Variants in RP1L1 observed in about 807,000 individuals in gnomAD.
RP1L1 encodes RP1 like 1.
Under a neutral mutation model 15.7 loss-of-function variants are expected in RP1L1, and 27 were observed. The ratio of observed to expected loss-of-function variants is 1.72; its 90% CI spans 1.27 to 2.38. The LOEUF is 2.38. Ranked by LOEUF, RP1L1 falls within the 30% of genes most tolerant of loss-of-function variation. RP1L1 has a pLI of 0.00. For synonymous variants in RP1L1, 1,813 were observed against 1,276.7 expected, an observed-to-expected ratio of 1.42 and a Z score of -8.96; for missense variants, 4,798 against 3,075.9, an observed-to-expected ratio of 1.56 and a Z score of -13.24.
rs775218706 is a variant in RP1L1, at chr8:10,612,134, C to T, written c.1964G>A (p.Gly655Asp). ...ASAMSSPSSP[G>D]LGRVAPRGHP... ...GCCTCTCGGGGCCACTCGGCCAAGG[C>T]CAGGGCTGCTGGGTGAGGACATTGC... is the stretch of plus-strand genomic sequence containing the variant. Residue 655 changes from glycine to aspartate, a missense_variant, in exon 4 of 4, where the codon GGC (glycine) becomes GAC (aspartate). Transcript: ENST00000382483. 6.2e-7 allele frequency: 1 copy of T among 1,613,624 alleles called. No individual in the cohort carries two copies. The highest frequency in any genetic ancestry group is 1.1e-5 in the South Asian group (1 of 91,084).
chr8:10,609,384 T>C lies in RP1L1; in HGVS notation c.4714A>G (p.Thr1572Ala), dbSNP rs1306265391. Reference protein sequence around the residue: ...QDVAQRLQDSTKRELQKLQGR... With the variant: ...QDVAQRLQDSAKRELQKLQGR... ...TGGAGCTTCTGGAGCTCTCTCTTGG[T>C]GCTGTCCTGGAGGCGTTGGGCCACG... is the stretch of plus-strand genomic sequence containing the variant. Residue 1572 changes from threonine to alanine, a missense_variant, in exon 4 of 4, where the codon ACC becomes GCC. By Grantham distance (58) the Thr-to-Ala change is moderately conservative. Transcript: ENST00000382483. 1.9e-6 allele frequency: 3 copies of C among 1,612,542 alleles called. No homozygotes were observed.
intron 1 of RP1L1, among the ~76,000 whole-genome samples, chr8:10,624,788 C>A (rs1300401796): frequency 6.6e-6 from 1 of 152,202 alleles, no homozygotes; most frequent in Non-Finnish European, 1.5e-5. Flanking sequence ...GCCTGGAAAA[C>A]TGGGCTTTTC....
intron 1 of RP1L1, among the ~76,000 whole-genome samples, chr8:10,635,944 A>T (rs1322915086): frequency 6.6e-6 from 1 of 152,216 alleles, no homozygotes; most frequent in Non-Finnish European, 1.5e-5. Flanking sequence ...AACCATCCCC[A>T]TGGAAGAGAC....
intron 1 of RP1L1, among the ~76,000 whole-genome samples, chr8:10,625,478 C>T (rs1181956724): frequency 7.9e-6 from 1 of 127,374 alleles, no homozygotes; most frequent in Non-Finnish European, 1.6e-5. Context: ...ACTCTGTGCC[C>T]AGCTGGGGGT....
In RP1L1 at chr8:10,612,859, A is replaced by C. The variant is rs1797893482; in HGVS notation, c.1239T>G (p.His413Gln). 6.2e-7 allele frequency: 1 copy of C among 1,612,678 alleles called. No individual in the cohort carries two copies. The highest frequency in any genetic ancestry group is 1.3e-5 in the African/African-American group (1 of 74,866). ...CTGCCACTCTCTCTCCCTGGGAGGC[A>C]TGCAGGGGATTCGTCCAGATTTCAT... ...PKYEIWTNPL[H>Q]ASQGERVAAR... The change falls in exon 4 of 4, where the codon CAT (histidine) becomes CAG (glutamine). Residue 413 changes from histidine to glutamine, a missense_variant. By Grantham distance (24) the His-to-Gln change is conservative. Transcript: ENST00000382483.
At chr8:10,646,603 G>C (rs1254549191) in intron 1 of RP1L1, among the ~76,000 whole-genome samples, 1 of 152,042 alleles carries the variant, frequency 6.6e-6, no homozygotes, top group Non-Finnish European at 1.5e-5. Context: ...TGGACTCCCT[G>C]TCCCCTAGGA....
At chr8:10,631,653 C>T (rs752011374) in intron 1 of RP1L1, among the ~76,000 whole-genome samples, 1 of 152,244 alleles carries the variant, frequency 6.6e-6, no homozygotes, top group Non-Finnish European at 1.5e-5. Flanking sequence ...CCCCCTCCTC[C>T]ACTTCCGAGA....
Position 10,622,677 on chromosome 8 carries a change from A to C in RP1L1, c.525T>G (p.Thr175=). The part of the protein sequence containing the change: ...QQTVVLSHRN[T]RNLAAFLGKA... ...TGCCGAGAAAGGCGGCCAGGTTCCT[A>C]GTATTCCTGTGACTGAGAACCACTG... Residue 175 remains threonine (T), a synonymous_variant, in exon 2 of 4, where the codon ACT becomes ACG. Coordinates refer to ENST00000382483, the MANE Select transcript of RP1L1 (RefSeq NM_178857.6). 6 of 1,614,186 alleles carry C rather than the reference A, an allele frequency of 3.7e-6. No homozygotes were observed. The highest frequency in any genetic ancestry group is 5.1e-6 in the Non-Finnish European group (6 of 1,180,034).
At chr8:10,653,183 G>C (rs1311740718) in intron 1 of RP1L1, among the ~76,000 whole-genome samples, 2 of 152,198 alleles carry the variant, frequency 1.3e-5, no homozygotes, top group African/African-American at 4.8e-5. Flanking sequence ...TCACAGGAAA[G>C]TAACCAAGAT....
chr8:10,649,417 G>T (rs1381006157), intron 1 of RP1L1, among the ~76,000 whole-genome samples: 1 of 152,192 alleles, frequency 6.6e-6, no homozygotes, highest in Admixed American at 6.5e-5. Context: ...CAAGGGCTTT[G>T]CCTGAGAAAT....
In RP1L1 at chr8:10,606,922, G is replaced by A; in HGVS notation, c.7176C>T (p.Gly2392=). Residue 2392 remains glycine, a synonymous_variant, in exon 4 of 4, where the codon GGC becomes GGT. Coordinates refer to ENST00000382483, the MANE Select transcript of RP1L1 (RefSeq NM_178857.6). ...APTEAVGRAD[G]FGQDDLDF is the part of the protein sequence containing the mutation. ...AGAAATCTAAGTCATCTTGGCCAAAGCCGTCTGCCCTGCCCACTGCCTCAG... is the reference window on the plus strand; with the variant it reads ...AGAAATCTAAGTCATCTTGGCCAAAACCGTCTGCCCTGCCCACTGCCTCAG... 6.2e-7 allele frequency: 1 copy of A among 1,614,246 alleles called. No individual in the cohort carries two copies. The highest frequency in any genetic ancestry group is 8.5e-7 in the Non-Finnish European group (1 of 1,180,052).
intron 1 of RP1L1, among the ~76,000 whole-genome samples, chr8:10,644,465 G>C (rs1035406256): frequency 3.9e-5 from 6 of 152,184 alleles, no homozygotes; most frequent in African/African-American, 9.6e-5. Context: ...GGCCACATGG[G>C]TGTAAGTCCC....
intron 3 of RP1L1, among the ~76,000 whole-genome samples, chr8:10,613,600 CAAA>C (rs71203341): frequency 1.6e-5 from 1 of 62,358 alleles, no homozygotes; most frequent in East Asian, 4.6e-4. Context: ...ACCATCTCTC[CAAA>C]AAAAAAAAAA....
At chr8:10,639,214 A>G (rs901773532) in intron 1 of RP1L1, among the ~76,000 whole-genome samples, 5 of 152,090 alleles carry the variant, frequency 3.3e-5, no homozygotes, top group African/African-American at 4.8e-5. Flanking sequence ...CTTGCCCTCA[A>G]TTCTGCTCTT....
At chr8:10,623,497 CACCATGTCCCCAG>C (rs1413171522) in intron 1 of RP1L1, among the ~76,000 whole-genome samples, 4 of 29,698 alleles carry the variant, frequency 1.3e-4, no homozygotes, top group Non-Finnish European at 3.7e-4. Flanking sequence ...CCTTCAGAGT[CACCATGTCCCCAG>C]AACCACCATG....
chr8:10,650,522 A>G (rs1455064242), intron 1 of RP1L1, among the ~76,000 whole-genome samples: 1 of 151,276 alleles, frequency 6.6e-6, no homozygotes, highest in African/African-American at 2.4e-5. Context: ...ACTGAGGCTC[A>G]GGGAAGTCAT....
At chr8:10,640,247 C>T (rs1487481099) in intron 1 of RP1L1, among the ~76,000 whole-genome samples, 10 of 152,216 alleles carry the variant, frequency 6.6e-5, no homozygotes, top group African/African-American at 2.2e-4. Flanking sequence ...CCTCGTCTAC[C>T]TCACTTAGTT....
rs1405201308 is a variant in RP1L1, at chr8:10,608,625, C to G, written c.5473G>C (p.Asp1825His). 7 of 1,614,212 alleles carry G rather than the reference C, an allele frequency of 4.3e-6. No homozygotes were observed. Among genetic ancestry groups the G allele is most frequent in the Non-Finnish European group, 2.5e-6 (3 of 1,180,038 alleles). The part of the protein sequence containing the change: ...QGEAAAGGDQ[D>H]PGQSDGAEGI... ...TCGGCCCCATCACTCTGTCCTGGAT[C>G]TTGGTCACCTCCTGCCGCAGCTTCA... Residue 1825 changes from aspartate to histidine, a missense_variant, in exon 4 of 4, where the codon GAT becomes CAT. Physicochemically the swap from Asp to His is moderately conservative, Grantham distance 81. Coordinates refer to ENST00000382483, the MANE Select transcript of RP1L1 (RefSeq NM_178857.6).
At position 10,609,516 on chromosome 8, in the gene RP1L1, T is replaced by TC; in HGVS notation, c.4581dup (p.Lys1528GlufsTer13). ...CTGGCAAGGTGGGCCAGGAAGGCCT[T>TC]CTCCGTCTTCTTCAGTAACACGGAC... is the stretch of plus-strand genomic sequence containing the variant. On this transcript the variant is annotated frameshift_variant, in exon 4 of 4. Transcript: ENST00000382483. LOFTEE classifies it low-confidence loss of function (END_TRUNC). The TC allele has an allele frequency of 6.2e-7, 1 of 1,609,184 alleles. No homozygotes were observed. Among genetic ancestry groups the TC allele is most frequent in the Non-Finnish European group, 8.5e-7 (1 of 1,178,612 alleles).
Sources: allele counts gnomAD v4.1 joint callset (sites outside exome capture counted in the v4.1 genomes callset), GRCh38; gene constraint gnomAD v4.1.1; transcripts MANE v1.5; gene names NCBI Gene and HGNC (gene_info 2026-07-23, HGNC 2026-07-21).